The following PPL variants were observed in gnomAD, a reference collection of about 807,000 sequenced individuals.
PPL encodes the protein periplakin.
A neutral mutation model predicts 194.4 loss-of-function variants in PPL; 198 were observed. The ratio of observed to expected loss-of-function variants is 1.02; its 90% CI spans 0.91 to 1.15. PPL has a LOEUF of 1.15. Ranked by LOEUF, PPL falls within the 50% of genes most tolerant of loss-of-function variation. PPL has a pLI of 0.00. For missense variants in PPL, 2,885 were observed against 2,294.8 expected (o/e 1.26, Z -5.25); for synonymous variants, 1,220 against 972.4 (o/e 1.25, Z -4.74).
At chr16:4,923,030 G>C (rs2089082434) in intron 1 of PPL, among the ~76,000 whole-genome samples, 1 of 152,166 alleles carries the variant, frequency 6.6e-6, no homozygotes, top group African/African-American at 2.4e-5. Flanking sequence ...TCTTGGGTTT[G>C]GGCTAAGGAT....
chr16:4,901,949 TAAA>T (rs1568018094), intron 4 of PPL, among the ~76,000 whole-genome samples: 3 of 68,854 alleles, frequency 4.4e-5, no homozygotes, highest in African/African-American at 9.8e-5. Flanking sequence ...CAAAAATAAA[TAAA>T]TAAATAAATA....
rs749462562 is a variant in PPL, at chr16:4,885,655, G to A, written c.3000C>T (p.Ile1000=). The change falls in exon 22 of 22, where the codon ATC becomes ATT. Residue 1000 remains isoleucine (I), a synonymous_variant. Coordinates refer to ENST00000345988, the MANE Select transcript of PPL (RefSeq NM_002705.5). This position sits in a 1 kb window ranked among gnomAD's most constrained non-coding sequence, Gnocchi z 6.3. ...QEYVVKEVLR[I]EPDRAQADEV... ...CATCCGCCTGGGCCCTGTCAGGCTCGATGCGCAGGACCTCCTTGACCACGT... is the reference window on the plus strand; with the variant it reads ...CATCCGCCTGGGCCCTGTCAGGCTCAATGCGCAGGACCTCCTTGACCACGT... The A allele has an allele frequency of 2.2e-5, 36 of 1,612,604 alleles. No individual in the cohort carries two copies. Among genetic ancestry groups the A allele is most frequent in the African/African-American group, 1.2e-4 (9 of 74,794 alleles).
At position 4,894,617 on chromosome 16, in the gene PPL, C is replaced by A; in HGVS notation, c.1244G>T (p.Gly415Val). ...GTAGCTGTAGCCCCGCGAGATCAGG[C>A]CCTGGCGGGGGCAGGCTGGACAGTC... ...EALCDFEGEQ[G>V]LISRGYSYTL... The change falls in exon 12 of 22, where the codon GGC becomes GTC. Residue 415 changes from glycine (G) to valine (V), a missense_variant and splice_region_variant. Physicochemically the swap from Gly to Val is moderately radical, Grantham distance 109. Coordinates refer to ENST00000345988, the MANE Select transcript of PPL (RefSeq NM_002705.5). 2.5e-6 allele frequency: 4 copies of A among 1,612,610 alleles called. No individual in the cohort carries two copies. In the South Asian group the frequency reaches 3.3e-5, roughly 13 times the overall value.
At chr16:4,903,828 C>A in intron 3 of PPL, 58 bp downstream of exon 3, 1 of 1,596,750 alleles carries the variant, frequency 6.3e-7, no homozygotes, top group Non-Finnish European at 8.5e-7. Flanking sequence ...ACAGGACCCC[C>A]CGCCCTGGCC....
intron 9 of PPL, 108 bp from the exon 10 acceptor site, chr16:4,895,824 C>A: frequency 6.8e-7 from 1 of 1,481,372 alleles, no homozygotes; most frequent in Non-Finnish European, 9.3e-7. Flanking sequence ...CTCCGGTTCA[C>A]CTGGAGTCCA....
rs199601469 is a variant in PPL at position 4,893,653 on chromosome 16, A to G, written c.1395-15T>C. On this transcript the variant is annotated splice_polypyrimidine_tract_variant and intron_variant, in intron 12 of 21. Transcript: ENST00000345988. ...GGCTGCCCAGGCTGTGAGGACAGAA[A>G]TGAGCTGGGAACCTGGGCAGCCCAC... 97 of 1,566,134 alleles carry G rather than the reference A, an allele frequency of 6.2e-5. 1 individual carries two copies. In the East Asian group the frequency reaches 6.6e-4, roughly 11 times the overall value.
In PPL at chr16:4,885,684, C is replaced by T. The variant is rs567209499; in HGVS notation, c.2971G>A (p.Glu991Lys). 1.8e-4 allele frequency: 284 copies of T among 1,613,508 alleles called. 3 individuals are homozygous for T. The South Asian group carries it at 2.9e-3, about 17-fold the overall frequency. The change falls in exon 22 of 22, where the codon GAG (glutamate) becomes AAG (lysine). Residue 991 changes from glutamate (E) to lysine (K), a missense_variant. Transcript: ENST00000345988. This position sits in a 1 kb window ranked among gnomAD's most constrained non-coding sequence, Gnocchi z 6.3. ...CGCAGGACCTCCTTGACCACGTACT[C>T]CTGCCCCCCGTCTCTGGTCTCCTGC... ...LEQETRDGGQEYVVKEVLRIE... is the reference protein window; with the variant it reads ...LEQETRDGGQKYVVKEVLRIE...
Position 4,892,110 on chromosome 16 carries a change from A to G in PPL, c.1754T>C (p.Leu585Pro). Residue 585 changes from leucine to proline, a missense_variant, in exon 15 of 22, where the codon CTG becomes CCG. By Grantham distance (98) the Leu-to-Pro change is moderately conservative. Coordinates refer to ENST00000345988, the MANE Select transcript of PPL (RefSeq NM_002705.5). Reference sequence around the variant, plus strand: ...GGTGTCCTCCACCCGGGTCCTCAGCAGGGGTGTGGTGCCACTGCCTGGGAG... The same window carrying G: ...GGTGTCCTCCACCCGGGTCCTCAGCGGGGGTGTGGTGCCACTGCCTGGGAG... ...QALPGSGTTP[L>P]LRTRVEDTNR... The G allele has an allele frequency of 6.2e-7, 1 of 1,613,764 alleles. No homozygotes were observed. Among genetic ancestry groups the G allele is most frequent in the Non-Finnish European group, 8.5e-7 (1 of 1,180,014 alleles).
In PPL at chr16:4,883,522, G is replaced by T; in HGVS notation, c.5133C>A (p.His1711Gln). 1 of 1,614,178 alleles carries T rather than the reference G, an allele frequency of 6.2e-7. No homozygotes were observed. Reference sequence around the variant, plus strand: ...AGAACTTCTTGCCAGACTTCCTGTCGTGTATCACTGAGGACTCCCCATTGG... The same window carrying T: ...AGAACTTCTTGCCAGACTTCCTGTCTTGTATCACTGAGGACTCCCCATTGG... ...KGPNGESSVI[H>Q]DRKSGKKFSI... The change falls in exon 22 of 22, where the codon CAC (histidine) becomes CAA (glutamine). Residue 1711 changes from histidine (H) to glutamine (Q), a missense_variant. Physicochemically the swap from His to Gln is conservative, Grantham distance 24. Coordinates refer to ENST00000345988, the MANE Select transcript of PPL (RefSeq NM_002705.5). The surrounding 1 kb of genome is among the most constrained non-coding windows in gnomAD (Gnocchi z 4.8).
In PPL at chr16:4,903,829, C is replaced by A. The variant is rs752096245; in HGVS notation, c.317+57G>T. 16 of 1,596,788 alleles carry A rather than the reference C, an allele frequency of 1.0e-5. No individual in the cohort carries two copies. The South Asian group carries it at 1.7e-4, about 17-fold the overall frequency. Reference sequence around the variant, plus strand: ...CTCCCAAATGCTGAACAGGACCCCCCGCCCTGGCCCATAGCCCCCAATGGC... The same window carrying A: ...CTCCCAAATGCTGAACAGGACCCCCAGCCCTGGCCCATAGCCCCCAATGGC... On this transcript the variant is annotated intron_variant, in intron 3 of 21. Transcript: ENST00000345988.
Position 4,893,641 on chromosome 16 carries a change from G to T in PPL, c.1395-3C>A, listed in dbSNP as rs996832796. ...CGCTCCGGTACTGGCTGCCCAGGCTGTGAGGACAGAAATGAGCTGGGAACC... is the reference window on the plus strand; with the variant it reads ...CGCTCCGGTACTGGCTGCCCAGGCTTTGAGGACAGAAATGAGCTGGGAACC... On this transcript the variant is annotated splice_region_variant and splice_polypyrimidine_tract_variant and intron_variant, in intron 12 of 21. Coordinates refer to ENST00000345988, the MANE Select transcript of PPL (RefSeq NM_002705.5). 2 of 1,581,214 alleles carry T rather than the reference G, an allele frequency of 1.3e-6. No homozygotes were observed. Among genetic ancestry groups the T allele is most frequent in the African/African-American group, 2.7e-5 (2 of 74,094 alleles).
chr16:4,884,536 C>T lies in PPL; in HGVS notation c.4119G>A (p.Glu1373=), dbSNP rs1256136081. The T allele has an allele frequency of 4.3e-6, 7 of 1,612,702 alleles. No homozygotes were observed. The South Asian group carries it at 5.5e-5, about 13-fold the overall frequency. The change falls in exon 22 of 22, where the codon GAG becomes GAA. Residue 1373 remains glutamate, a synonymous_variant. Coordinates refer to ENST00000345988, the MANE Select transcript of PPL (RefSeq NM_002705.5). The surrounding 1 kb of genome is among the most constrained non-coding windows in gnomAD (Gnocchi z 5.7). ...TCTGCCGCAGCTCCACATCGATGCT[C>T]TCGGCAAAGGCGCTCGCCTCGGCCC... ...GLRAEASAFA[E]SIDVELRQID...
chr16:4,900,284 TAAAG>T (rs1353485426), intron 6 of PPL, among the ~76,000 whole-genome samples: 1 of 151,886 alleles, frequency 6.6e-6, no homozygotes, highest in African/African-American at 2.4e-5. Context: ...CAGCAGATAA[TAAAG>T]AAATGAGCAG....
At chr16:4,921,992 G>A (rs1357259775) in intron 1 of PPL, among the ~76,000 whole-genome samples, 2 of 152,048 alleles carry the variant, frequency 1.3e-5, no homozygotes, top group African/African-American at 4.8e-5. Context: ...GGCAGAGAAA[G>A]ATAACACAGG....
chr16:4,922,452 AG>A (rs2089068338), intron 1 of PPL, among the ~76,000 whole-genome samples: 2 of 152,218 alleles, frequency 1.3e-5, no homozygotes, highest in Admixed American at 6.5e-5. Context: ...ACCTGAGGTC[AG>A]GAGTTCCAGA....
chr16:4,884,588 A>T lies in PPL; in HGVS notation c.4067T>A (p.Val1356Asp). ...VKERVVQQEV[V>D]RYEEEPGLRA... ...CAGGCCTGGCTCCTCCTCATACCTG[A>T]CCACCTCCTGCTGCACCACCCTTTC... The change falls in exon 22 of 22, where the codon GTC becomes GAC. Residue 1356 changes from valine (V) to aspartate (D), a missense_variant. Val to Asp is a radical substitution (Grantham distance 152, BLOSUM62 -3). Transcript: ENST00000345988. This position sits in a 1 kb window ranked among gnomAD's most constrained non-coding sequence, Gnocchi z 5.7. 1 of 1,613,764 alleles carries T rather than the reference A, an allele frequency of 6.2e-7. No individual in the cohort carries two copies. Among genetic ancestry groups the T allele is most frequent in the Non-Finnish European group, 8.5e-7 (1 of 1,179,920 alleles).
chr16:4,932,411 CTT>C (rs59920775), intron 1 of PPL, among the ~76,000 whole-genome samples: 12 of 140,752 alleles, frequency 8.5e-5, no homozygotes, highest in Non-Finnish European at 7.8e-5. Context: ...AGTCATGAAT[CTT>C]TTTTTTTTTT....
At chr16:4,916,798 C>T (rs933550843) in intron 1 of PPL, among the ~76,000 whole-genome samples, 10 of 152,100 alleles carry the variant, frequency 6.6e-5, no homozygotes, top group Non-Finnish European at 1.5e-4. Context: ...AGCCACTGCA[C>T]CCAGCCCACC....
Position 4,899,252 on chromosome 16 carries a change from C to G in PPL, c.739G>C (p.Asp247His), listed in dbSNP as rs752324985. The change falls in exon 7 of 22, where the codon GAC becomes CAC. Residue 247 changes from aspartate to histidine, a missense_variant. By Grantham distance (81) the Asp-to-His change is moderately conservative (BLOSUM62 -1). Transcript: ENST00000345988. ...MQYDWSDRNLDYPSRRRQYEN... is the reference protein window; with the variant it reads ...MQYDWSDRNLHYPSRRRQYEN... ...TACTGGCGCCGGCGGCTGGGGTAGT[C>G]GAGGTTGCGGTCACTCCAGTCGTAC... 1 of 1,613,736 alleles carries G rather than the reference C, an allele frequency of 6.2e-7. No individual in the cohort carries two copies. The highest frequency in any genetic ancestry group is 8.5e-7 in the Non-Finnish European group (1 of 1,179,964).
Sources: gnomAD v4.1 joint callset for allele counts (sites outside exome capture counted in the v4.1 genomes callset) on GRCh38, gnomAD v4.1.1 for gene constraint, Gnocchi (gnomAD v3.1) non-coding constraint, MANE v1.5 for transcripts, NCBI Gene and HGNC (gene_info 2026-07-23, HGNC 2026-07-21) for gene names.